MASP1: variants seen among roughly 807,000 people sequenced by gnomAD.
The protein encoded by MASP1 is mannan-binding lectin serine protease 1.
MASP1 carries 59 observed loss-of-function variants against 77.1 expected under a neutral mutation model. The observed-to-expected ratio is 0.77, with a 90% CI of 0.62 to 0.95. The LOEUF (loss-of-function observed/expected upper bound fraction) is 0.95. Ranked by LOEUF, MASP1 falls within the 40% of genes least tolerant of loss-of-function variation. The probability of loss-of-function intolerance (pLI) is 0.00; values close to 1 mark genes in which losing one functional copy is unlikely to be tolerated. For synonymous variants in MASP1, 362 were observed against 354.5 expected (o/e 1.02, Z -0.24); for missense variants, 885 against 912.9 (o/e 0.97, Z 0.39).
chr3:187,267,847 C>T (rs1207761438), intron 2 of MASP1, among the ~76,000 whole-genome samples: 1 of 152,194 alleles, frequency 6.6e-6, no homozygotes, highest in Admixed American at 6.5e-5. Context: ...TGCTTGGTGA[C>T]CTTTTCTCTA....
chr3:187,236,274 T>G lies in MASP1; in HGVS notation c.1597A>C (p.Asn533His). 6.2e-7 allele frequency: 1 copy of G among 1,614,244 alleles called. No homozygotes were observed. Among genetic ancestry groups the G allele is most frequent in the Non-Finnish European group, 8.5e-7 (1 of 1,180,044 alleles). The change falls in exon 11 of 11, where the codon AAC becomes CAC. Residue 533 changes from asparagine (N) to histidine (H), a missense_variant. Transcript: ENST00000296280. ...HDVRDKSGAVNSSAARVVLHP... is the reference protein window; with the variant it reads ...HDVRDKSGAVHSSAARVVLHP... ...AGCACCACTCGGGCAGCTGAGCTGT[T>G]GACTGCCCCCGATTTGTCTCGCACA...
chr3:187,271,182 A>G (rs1222393842), intron 2 of MASP1, among the ~76,000 whole-genome samples: 2 of 152,198 alleles, frequency 1.3e-5, no homozygotes, highest in African/African-American at 4.8e-5. Context: ...ACCCTTAGCA[A>G]ATATCATACC....
At chr3:187,260,498 A>T (rs930752605) in intron 4 of MASP1, among the ~76,000 whole-genome samples, 2 of 152,222 alleles carry the variant, frequency 1.3e-5, no homozygotes, top group African/African-American at 4.8e-5. Context: ...TGTATAGTGA[A>T]AAATGCTGCC....
chr3:187,237,125 G>A (rs2108515380), intron 10 of MASP1, among the ~76,000 whole-genome samples: 1 of 152,308 alleles, frequency 6.6e-6, no homozygotes, highest in East Asian at 1.9e-4. Flanking sequence ...GTAACTCTGA[G>A]TCAGCAAATA....
At position 187,235,783 on chromosome 3, in the gene MASP1, C is replaced by T. The variant is rs1227714856; in HGVS notation, c.2088G>A (p.Gln696=). Residue 696 remains glutamine, a synonymous_variant, in exon 11 of 11, where the codon CAG becomes CAA. Transcript: ENST00000296280. Reference sequence around the variant, plus strand: ...AGACCTTTGTGTAGACTCCATAGACCTGCTTGCTGCCGCATTCTTCAGGTC... The same window carrying T: ...AGACCTTTGTGTAGACTCCATAGACTTGCTTGCTGCCGCATTCTTCAGGTC... ...WGGPEECGSK[Q]VYGVYTKVSN... is the part of the protein sequence containing the mutation. The T allele has an allele frequency of 1.2e-6, 2 of 1,614,182 alleles. No individual in the cohort carries two copies.
At chr3:187,240,789 G>T (rs1432920155) in intron 10 of MASP1, among the ~76,000 whole-genome samples, 1 of 152,026 alleles carries the variant, frequency 6.6e-6, no homozygotes, top group Non-Finnish European at 1.5e-5. Context: ...ACACCACCAC[G>T]ACTGGCTAAT....
intron 1 of MASP1, among the ~76,000 whole-genome samples, chr3:187,286,597 C>A (rs901060663): frequency 6.6e-6 from 1 of 152,176 alleles, no homozygotes; most frequent in Non-Finnish European, 1.5e-5. Flanking sequence ...GTAAAAGGAT[C>A]AAAAACCTAC....
chr3:187,240,259 A>G (rs1358097898), intron 10 of MASP1, among the ~76,000 whole-genome samples: 2 of 152,062 alleles, frequency 1.3e-5, no homozygotes, highest in Admixed American at 6.6e-5. Flanking sequence ...TGTATACTGT[A>G]GGGTTACTGA....
intron 2 of MASP1, among the ~76,000 whole-genome samples, chr3:187,271,187 C>G (rs1320384604): frequency 1.3e-5 from 2 of 152,188 alleles, no homozygotes; most frequent in African/African-American, 4.8e-5. Context: ...TAGCAAATAT[C>G]ATACCACCTT....
Position 187,285,953 on chromosome 3 carries a change from G to A in MASP1, c.109C>T (p.Pro37Ser). ...TCTGAATCACTGGGATAGGAGTCTGGATAACCAGGCGACTGGATCTGGCCA... is the reference window on the plus strand; with the variant it reads ...TCTGAATCACTGGGATAGGAGTCTGAATAACCAGGCGACTGGATCTGGCCA... ...MFGQIQSPGY[P>S]DSYPSDSEVT... The change falls in exon 2 of 11, where the codon CCA (proline) becomes TCA (serine). Residue 37 changes from proline to serine, a missense_variant. Coordinates refer to ENST00000296280, the MANE Select transcript of MASP1 (RefSeq NM_139125.4). 1 of 1,614,228 alleles carries A rather than the reference G, an allele frequency of 6.2e-7. No individual in the cohort carries two copies. Among genetic ancestry groups the A allele is most frequent in the Non-Finnish European group, 8.5e-7 (1 of 1,180,032 alleles).
chr3:187,241,788 A>G (rs1467632498), intron 9 of MASP1: 1 of 457,006 alleles, frequency 2.2e-6, no homozygotes, highest in Non-Finnish European at 4.0e-6. Flanking sequence ...TTAACCTCCA[A>G]ATATCTTCAA....
At chr3:187,221,199 C>G in intron 14 of MASP1, 1 of 1,162,408 alleles carries the variant, frequency 8.6e-7, no homozygotes, top group South Asian at 1.3e-5. Context: ...TCTGACACCC[C>G]TGAAGACGGC....
chr3:187,277,173 GC>G (rs1312766543), intron 2 of MASP1, among the ~76,000 whole-genome samples: 4 of 152,156 alleles, frequency 2.6e-5, no homozygotes, highest in African/African-American at 9.7e-5. Flanking sequence ...GACGTGACTT[GC>G]CCAAGCTCTC....
intron 8 of MASP1, chr3:187,247,090 C>T: frequency 7.1e-7 from 1 of 1,405,488 alleles, no homozygotes; most frequent in Non-Finnish European, 9.2e-7. Flanking sequence ...ATAAATCCCA[C>T]ATTTTTTTTT....
intron 8 of MASP1, 58 bp downstream of exon 8, chr3:187,250,193 G>T: frequency 7.1e-7 from 1 of 1,406,794 alleles, no homozygotes; most frequent in South Asian, 1.2e-5. Context: ...GCTCTGCTCG[G>T]ATCCCGCCAG....
At chr3:187,247,760 T>C (rs1275020904) in intron 8 of MASP1, among the ~76,000 whole-genome samples, 1 of 152,106 alleles carries the variant, frequency 6.6e-6, no homozygotes, top group African/African-American at 2.4e-5. Flanking sequence ...GCCAGAACAA[T>C]GACCCATAAT....
Position 187,285,819 on chromosome 3 carries a change from T to A in MASP1, c.237+6A>T. 3 of 1,608,640 alleles carry A rather than the reference T, an allele frequency of 1.9e-6. No homozygotes were observed. Among genetic ancestry groups the A allele is most frequent in the Non-Finnish European group, 2.6e-6 (3 of 1,175,156 alleles). On this transcript the variant is annotated splice_donor_region_variant and intron_variant, in intron 2 of 10. Coordinates refer to ENST00000296280, the MANE Select transcript of MASP1 (RefSeq NM_139125.4). ...TGGCCCAGTTAGGGGACATCAGGAG[T>A]CTCACCTTCACATAGTCATATTCAC...
downstream of MASP1, among the ~76,000 whole-genome samples, chr3:187,232,624 T>G (rs1383053633): frequency 3.3e-5 from 5 of 152,188 alleles, no homozygotes; most frequent in Non-Finnish European, 7.4e-5. Flanking sequence ...GCTGAGCTGC[T>G]GGTAAATCCC....
chr3:187,289,363 C>A (rs558210786), intron 1 of MASP1, among the ~76,000 whole-genome samples: 2 of 152,222 alleles, frequency 1.3e-5, no homozygotes, highest in African/African-American at 4.8e-5. Context: ...CTTTACAGAG[C>A]ACCCTAATTT....
Sources: gnomAD v4.1 joint callset for allele counts (sites outside exome capture counted in the v4.1 genomes callset) on GRCh38, gnomAD v4.1.1 for gene constraint, MANE v1.5 for transcripts, NCBI Gene and HGNC (gene_info 2026-07-23, HGNC 2026-07-21) for gene names.